Variants in RIPOR2 observed in about 807,000 individuals in gnomAD.
RIPOR2 encodes RHO family interacting cell polarization regulator 2.
Under a neutral mutation model 114.5 loss-of-function variants are expected in RIPOR2, and 39 were observed. The ratio of observed to expected loss-of-function variants is 0.34; its 90% CI spans 0.26 to 0.44. RIPOR2 has a LOEUF of 0.44. RIPOR2 is among the 20% of genes least tolerant of loss of function. The pLI is 1.00. For synonymous variants in RIPOR2, 445 were observed against 484.4 expected (o/e 0.92, Z 1.07); for missense variants, 1,007 against 1,255.1 (o/e 0.80, Z 2.99).
rs1250086638 is a variant in RIPOR2, at chr6:24,865,285, G to T, written c.651+16C>A. 1.3e-6 allele frequency: 2 copies of T among 1,599,648 alleles called. No homozygotes were observed. Among genetic ancestry groups the T allele is most frequent in the Non-Finnish European group, 8.5e-7 (1 of 1,171,146 alleles). ...CAGATGGGATTCGGCAACTTAAGCA[G>T]GTTAGGGAGTTATACCTCTGTGTAC... On this transcript the variant is annotated intron_variant, in intron 7 of 21. Transcript: ENST00000643898.
rs370605341 is a variant in RIPOR2 at position 24,902,363 on chromosome 6, C to T, written c.62-26546G>A. Among the ~76,000 whole-genome samples, 19 of 152,018 alleles carry T rather than the reference C, an allele frequency of 1.2e-4. No individual in the cohort carries two copies. The South Asian group carries it at 1.9e-3, about 15-fold the overall frequency. On this transcript the variant is annotated intron_variant, in intron 1 of 21. Transcript: ENST00000643898. ...CTGAGTAGCTGGGATTACAGGCACC[C>T]GCCACCATGCCCGGCTAATTTGTTT... is the stretch of plus-strand genomic sequence containing the variant.
chr6:24,934,832 T>G (rs1324626677), intron 1 of RIPOR2, among the ~76,000 whole-genome samples: 1 of 152,158 alleles, frequency 6.6e-6, no homozygotes, highest in African/African-American at 2.4e-5. Context: ...TCGCAACCTT[T>G]ACAGTTAAAT....
intron 1 of RIPOR2, among the ~76,000 whole-genome samples, chr6:24,914,061 A>G (rs893593236): frequency 6.6e-6 from 1 of 152,106 alleles, no homozygotes; most frequent in African/African-American, 2.4e-5. Flanking sequence ...ATGGCCGGGC[A>G]TGGTGGCTCA....
intron 1 of RIPOR2, among the ~76,000 whole-genome samples, chr6:25,006,621 G>A (rs1314150160): frequency 1.3e-5 from 2 of 152,206 alleles, no homozygotes; most frequent in African/African-American, 2.4e-5. Context: ...CCAGGCACAG[G>A]TGAGTCACTG....
intron 1 of RIPOR2, among the ~76,000 whole-genome samples, chr6:24,972,998 G>T (rs934746262): frequency 6.6e-6 from 1 of 152,028 alleles, no homozygotes; most frequent in Non-Finnish European, 1.5e-5. Flanking sequence ...AGGGACATAC[G>T]TGCATCCCAG....
At chr6:24,862,991 C>T (rs1286132364) in intron 7 of RIPOR2, among the ~76,000 whole-genome samples, 1 of 152,100 alleles carries the variant, frequency 6.6e-6, no homozygotes, top group Admixed American at 6.5e-5. Context: ...CTCTATCTGT[C>T]ACCCAGGCTG....
At chr6:24,917,487 G>A (rs557760384) in intron 1 of RIPOR2, among the ~76,000 whole-genome samples, 61 of 152,304 alleles carry the variant, frequency 4.0e-4, no homozygotes, top group African/African-American at 1.1e-3. Flanking sequence ...CAATATCTAC[G>A]TGTAAGCACA....
chr6:24,986,346 T>C (rs1774527664), intron 1 of RIPOR2, among the ~76,000 whole-genome samples: 1 of 152,234 alleles, frequency 6.6e-6, no homozygotes, highest in African/African-American at 2.4e-5. Flanking sequence ...TTGATACTTT[T>C]TGGAGGACTC....
At chr6:24,899,584 G>A (rs1410877961) in intron 1 of RIPOR2, among the ~76,000 whole-genome samples, 1 of 152,144 alleles carries the variant, frequency 6.6e-6, no homozygotes, top group African/African-American at 2.4e-5. Context: ...TTCAACTGCA[G>A]GTAATTATCC....
At chr6:24,923,131 A>G (rs1468824926) in intron 1 of RIPOR2, among the ~76,000 whole-genome samples, 2 of 152,050 alleles carry the variant, frequency 1.3e-5, no homozygotes, top group Non-Finnish European at 2.9e-5. Context: ...TTCATACAGT[A>G]TTTGTCTTTT....
chr6:24,942,991 G>A (rs1772218268), intron 1 of RIPOR2, among the ~76,000 whole-genome samples: 1 of 152,158 alleles, frequency 6.6e-6, no homozygotes, highest in Non-Finnish European at 1.5e-5. Context: ...CCTTGCCCAT[G>A]CCTATGTCCT....
At chr6:24,970,892 C>T (rs1773760148) in intron 1 of RIPOR2, among the ~76,000 whole-genome samples, 1 of 42,834 alleles carries the variant, frequency 2.3e-5, no homozygotes, top group Non-Finnish European at 1.4e-4. Flanking sequence ...AGACATTGCA[C>T]AAATTTTTTT....
At chr6:24,884,795 A>T (rs1766671010) in intron 1 of RIPOR2, among the ~76,000 whole-genome samples, 1 of 152,370 alleles carries the variant, frequency 6.6e-6, no homozygotes, top group Middle Eastern at 3.4e-3. Flanking sequence ...ATGTAGACTG[A>T]CTTTCCACCA....
intron 1 of RIPOR2, among the ~76,000 whole-genome samples, chr6:24,886,589 A>G (rs922710166): frequency 6.6e-6 from 1 of 152,152 alleles, no homozygotes; most frequent in African/African-American, 2.4e-5. Context: ...ACTGGCCCTT[A>G]CTTTGGGTTT....
At chr6:24,828,091 G>A (rs142626812) in intron 18 of RIPOR2, 46 bp downstream of exon 18, 10 of 1,449,558 alleles carry the variant, frequency 6.9e-6, no homozygotes, top group Non-Finnish European at 9.2e-6. Context: ...CAGAGATAAC[G>A]CCAAATTGAG....
At chr6:24,932,263 T>C (rs765495266) in intron 1 of RIPOR2, among the ~76,000 whole-genome samples, 3 of 151,868 alleles carry the variant, frequency 2.0e-5, no homozygotes, top group Non-Finnish European at 4.4e-5. Flanking sequence ...TACTTGAGAG[T>C]AACCATTTTC....
intron 14 of RIPOR2, among the ~76,000 whole-genome samples, chr6:24,836,709 G>A (rs1171492976): frequency 6.6e-6 from 1 of 152,034 alleles, no homozygotes; most frequent in Non-Finnish European, 1.5e-5. Context: ...TAGAGGCTTT[G>A]AATGCTTTAT....
chr6:24,885,520 G>A (rs746544663), intron 1 of RIPOR2, among the ~76,000 whole-genome samples: 1 of 152,194 alleles, frequency 6.6e-6, no homozygotes, highest in East Asian at 1.9e-4. Context: ...CACCATGTCC[G>A]GCCAAAGTGG....
intron 1 of RIPOR2, among the ~76,000 whole-genome samples, chr6:24,961,410 C>G (rs1437964447): frequency 6.6e-6 from 1 of 152,020 alleles, no homozygotes; most frequent in Non-Finnish European, 1.5e-5. Flanking sequence ...TTGTGAAAAG[C>G]CAGGGGTTGA....
Sources: gnomAD v4.1 joint callset for allele counts (sites outside exome capture counted in the v4.1 genomes callset) on GRCh38, gnomAD v4.1.1 for gene constraint, MANE v1.5 for transcripts, NCBI Gene and HGNC (gene_info 2026-07-23, HGNC 2026-07-21) for gene names.